Variants in KIF27 observed in about 807,000 individuals in gnomAD.
KIF27 encodes the protein kinesin-like protein KIF27.
KIF27 carries 84 observed loss-of-function variants against 141.8 expected under a neutral mutation model. The observed-to-expected ratio is 0.59, with a 90% confidence interval of 0.50 to 0.71. KIF27 has a LOEUF of 0.71. KIF27 is among the 30% of genes least tolerant of loss of function. The probability of loss-of-function intolerance (pLI) is 0.00; values close to 1 mark genes in which losing one functional copy is unlikely to be tolerated. For synonymous variants in KIF27, 471 were observed against 569.5 expected (o/e 0.83, Z 2.46); for missense variants, 1,306 against 1,628.4 (o/e 0.80, Z 3.41).
intron 11 of KIF27, among the ~76,000 whole-genome samples, chr9:83,873,986 A>G (rs1951006749): frequency 6.6e-6 from 1 of 151,830 alleles, no homozygotes; most frequent in Non-Finnish European, 1.5e-5. Context: ...CGGGAGGCGG[A>G]GCTTGCAGTG....
intron 15 of KIF27, among the ~76,000 whole-genome samples, chr9:83,851,858 C>G (rs182331258): frequency 8.5e-5 from 13 of 152,252 alleles, no homozygotes; most frequent in Middle Eastern, 3.4e-3. Context: ...GGCCAGGCAC[C>G]GTGGCTCACA....
intron 5 of KIF27, among the ~76,000 whole-genome samples, chr9:83,897,439 A>T (rs932605417): frequency 6.6e-6 from 1 of 152,194 alleles, no homozygotes; most frequent in African/African-American, 2.4e-5. Context: ...TTTGATCTTT[A>T]CTTTACTCCA....
intron 10 of KIF27, among the ~76,000 whole-genome samples, chr9:83,881,144 T>C (rs1212749758): frequency 1.3e-5 from 2 of 151,870 alleles, no homozygotes; most frequent in African/African-American, 2.4e-5. Flanking sequence ...TGACCAACCA[T>C]TATAATTACT....
At chr9:83,896,065 AAAAAAAAAAAC>A (rs1953206158) in intron 5 of KIF27, among the ~76,000 whole-genome samples, 2 of 149,362 alleles carry the variant, frequency 1.3e-5, no homozygotes, top group African/African-American at 4.9e-5. Flanking sequence ...AAAAAAAAAA[AAAAAAAAAAAC>A]AAAACACACA....
At chr9:83,841,979 A>T (rs1281930679) in intron 17 of KIF27, among the ~76,000 whole-genome samples, 1 of 152,252 alleles carries the variant, frequency 6.6e-6, no homozygotes, top group Non-Finnish European at 1.5e-5. Context: ...TAATTTAGGG[A>T]TTAAATGAGA....
intron 11 of KIF27, 78 bp from the exon 12 acceptor site, chr9:83,870,710 T>TTC: frequency 1.1e-6 from 1 of 900,018 alleles, no homozygotes; most frequent in East Asian, 4.2e-5. Context: ...TTATTTTCTT[T>TTC]TTTTTTTTTT....
At chr9:83,891,218 T>C in intron 6 of KIF27, 77 bp downstream of exon 6, 1 of 1,191,146 alleles carries the variant, frequency 8.4e-7, no homozygotes, top group Non-Finnish European at 1.2e-6. Context: ...GCTGAGACTG[T>C]ATAAATACAC....
chr9:83,912,624 A>G (rs564205057), intron 2 of KIF27, among the ~76,000 whole-genome samples: 105 of 152,318 alleles, frequency 6.9e-4, no homozygotes, highest in Admixed American at 3.5e-3. Context: ...ATTTATAATA[A>G]AGCTCCAATA....
intron 3 of KIF27, among the ~76,000 whole-genome samples, chr9:83,906,483 G>GT (rs1459953411): frequency 5.3e-5 from 8 of 152,112 alleles, no homozygotes; most frequent in Non-Finnish European, 1.2e-4. Context: ...GCTCACCCCT[G>GT]TAATTCTAGC....
At chr9:83,867,004 G>GCC (rs34278937) in intron 13 of KIF27, among the ~76,000 whole-genome samples, 2,195 of 100,706 alleles carry the variant, frequency 0.022, 30 homozygotes, top group African/African-American at 0.061. Flanking sequence ...TATTTCCCCC[G>GCC]CAATCCCCCA....
At chr9:83,875,013 T>A (rs900280326) in intron 11 of KIF27, among the ~76,000 whole-genome samples, 16 of 151,608 alleles carry the variant, frequency 1.1e-4, no homozygotes, top group Non-Finnish European at 2.2e-4. Flanking sequence ...TCAGCAGACT[T>A]CTACTCTTTG....
At chr9:83,852,370 G>A (rs1015800286) in intron 15 of KIF27, among the ~76,000 whole-genome samples, 8 of 150,960 alleles carry the variant, frequency 5.3e-5, no homozygotes, top group Admixed American at 1.3e-4. Context: ...GGAGAATGGC[G>A]TGAACCTGGG....
Position 83,867,285 on chromosome 9 carries a change from A to C in KIF27, c.2934+399T>G, listed in dbSNP as rs147125980. On this transcript the variant is annotated intron_variant, in intron 13 of 17. Transcript: ENST00000297814. ...TTTGTGTTGTTTTCAGTTTTTAGCT[A>C]TTATGAATAATGTTACTATGAATGT... Among the ~76,000 whole-genome samples, 781 of 152,264 alleles carry C rather than the reference A, an allele frequency of 5.1e-3. 6 individuals are homozygous for C. Among genetic ancestry groups the C allele is most frequent in the Admixed American group, 8.5e-3 (130 of 15,286 alleles).
chr9:83,908,560 C>T lies in KIF27; in HGVS notation c.391G>A (p.Val131Ile). Reference sequence around the variant, plus strand: ...TACACTTCTATATAAGATACTTTTACATTAAAGTCAATGCTAGGATGTTCA... The same window carrying T: ...TACACTTCTATATAAGATACTTTTATATTAAAGTCAATGCTAGGATGTTCA... ...ISEHPSIDFN[V>I]KVSYIEVYKE... Residue 131 changes from valine (V) to isoleucine (I), a missense_variant, in exon 3 of 18, where the codon GTA becomes ATA. Transcript: ENST00000297814. 2 of 1,609,956 alleles carry T rather than the reference C, an allele frequency of 1.2e-6. No homozygotes were observed. Among genetic ancestry groups the T allele is most frequent in the Non-Finnish European group, 1.7e-6 (2 of 1,176,684 alleles).
At chr9:83,862,057 T>G (rs1468415818) in intron 13 of KIF27, among the ~76,000 whole-genome samples, 1 of 152,118 alleles carries the variant, frequency 6.6e-6, no homozygotes, top group East Asian at 1.9e-4. Flanking sequence ...TTGAGTTCAT[T>G]GTAGATTCTG....
intron 11 of KIF27, chr9:83,880,069 C>A: frequency 1.7e-6 from 1 of 589,396 alleles, no homozygotes; most frequent in East Asian, 2.8e-5. Context: ...GAGAAATTAT[C>A]ATTGTACCTT....
At chr9:83,905,117 ATTTC>A (rs1242824901) in intron 3 of KIF27, among the ~76,000 whole-genome samples, 1 of 151,386 alleles carries the variant, frequency 6.6e-6, no homozygotes, top group Non-Finnish European at 1.5e-5. Flanking sequence ...ATCCAAAAAT[ATTTC>A]TTTTTTTTTT....
In KIF27 at chr9:83,837,148, G is replaced by C; in HGVS notation, c.4059C>G (p.Val1353=). 3.1e-6 allele frequency: 5 copies of C among 1,614,130 alleles called. No homozygotes were observed. The highest frequency in any genetic ancestry group is 4.2e-6 in the Non-Finnish European group (5 of 1,180,004). The change falls in exon 18 of 18, where the codon GTC becomes GTG. Residue 1353 remains valine (V), a synonymous_variant. Coordinates refer to ENST00000297814, the MANE Select transcript of KIF27 (RefSeq NM_017576.4). ...CTTTTCGACACAGTTTTACAGGTGT[G>C]ACACCATGAAGTCGTCCCACATTTC... ...VVGNVGRLHG[V]TPVKLCRKEL...
rs2131400674 is a variant in KIF27, at chr9:83,835,634, A to G, written c.*1367T>C. On this transcript the variant is annotated 3_prime_UTR_variant, in exon 18 of 18. Transcript: ENST00000297814. ...GAAAGGAAGCCTTAAGTCTTTGAGC[A>G]CAGGGTGACAGTTTGGGTCCTATGT... The G allele has an allele frequency of 6.6e-6, 1 of 152,288 alleles. No homozygotes were observed. Among genetic ancestry groups the G allele is most frequent in the South Asian group, 2.1e-4 (1 of 4,826 alleles). 9.4% of individuals were successfully genotyped at this position (152,288 alleles called of 1,614,324 possible). A position where few individuals can be genotyped will look rare whatever the true frequency, so the allele number is the denominator to read the frequency against.
Sources: allele counts gnomAD v4.1 joint callset (sites outside exome capture counted in the v4.1 genomes callset), GRCh38; gene constraint gnomAD v4.1.1; transcripts MANE v1.5; gene names NCBI Gene and HGNC (gene_info 2026-07-23, HGNC 2026-07-21).